The following COL22A1 variants were observed in gnomAD, a reference collection of about 807,000 sequenced individuals.
The protein encoded by COL22A1 is collagen alpha-1(XXII) chain.
Under a neutral mutation model 248.9 loss-of-function variants are expected in COL22A1, and 221 were observed. The ratio of observed to expected loss-of-function variants is 0.89; its 90% CI spans 0.80 to 0.99. COL22A1 has a LOEUF of 0.99. Ranked by LOEUF, COL22A1 falls within the 50% of genes least tolerant of loss-of-function variation. The pLI is 0.00. For synonymous variants in COL22A1, 891 were observed against 793.4 expected, an observed-to-expected ratio of 1.12 and a Z score of -2.07; for missense variants, 2,240 against 2,179.0, an observed-to-expected ratio of 1.03 and a Z score of -0.56.
At chr8:138,693,050 C>T (rs745703496) in intron 35 of COL22A1, among the ~76,000 whole-genome samples, 10 of 152,170 alleles carry the variant, frequency 6.6e-5, no homozygotes, top group Non-Finnish European at 1.5e-4. Flanking sequence ...TCCTGCCTTC[C>T]GCCAGCTCCA....
At chr8:138,892,668 C>A (rs1417134766) in intron 1 of COL22A1, among the ~76,000 whole-genome samples, 1 of 152,226 alleles carries the variant, frequency 6.6e-6, no homozygotes, top group Non-Finnish European at 1.5e-5. Context: ...ATTTAGTGAG[C>A]TGAGTTCCTT....
At chr8:138,720,108 G>A in intron 27 of COL22A1, among the ~76,000 whole-genome samples, 1 of 152,130 alleles carries the variant, frequency 6.6e-6, no homozygotes, top group Non-Finnish European at 1.5e-5. Flanking sequence ...CAGGGCACTT[G>A]AGGGCTCTCC....
At chr8:138,706,707 C>G (rs1237665972) in intron 30 of COL22A1, among the ~76,000 whole-genome samples, 1 of 152,096 alleles carries the variant, frequency 6.6e-6, no homozygotes, top group Admixed American at 6.6e-5. Flanking sequence ...AATTGACACC[C>G]TAACATCACA....
chr8:138,735,221 A>G (rs1831015885), intron 23 of COL22A1, among the ~76,000 whole-genome samples: 1 of 152,196 alleles, frequency 6.6e-6, no homozygotes, highest in Non-Finnish European at 1.5e-5. Context: ...CTGGCCTCTT[A>G]GCGTAAGAGT....
rs193061225 is a variant in COL22A1, at chr8:138,772,818, G to A, written c.1803+3148C>T. Reference sequence around the variant, plus strand: ...GTGGAGGTTGCAGTGAGCCGAGATCGCACCACTGACTCCAGCCTGGGCAAC... The same window carrying A: ...GTGGAGGTTGCAGTGAGCCGAGATCACACCACTGACTCCAGCCTGGGCAAC... On this transcript the variant is annotated intron_variant, in intron 16 of 64. Coordinates refer to ENST00000303045, the MANE Select transcript of COL22A1 (RefSeq NM_152888.3). 4.5e-3 allele frequency among the ~76,000 whole-genome samples: 691 copies of A among 152,210 alleles called. 1 individual carries two copies. Among genetic ancestry groups the A allele is most frequent in the Non-Finnish European group, 7.9e-3 (537 of 68,024 alleles).
chr8:138,762,612 C>CACAAAG, intron 16 of COL22A1, 146 bp from the exon 17 acceptor site: 5 of 346,708 alleles, frequency 1.4e-5, no homozygotes, highest in Non-Finnish European at 2.6e-5. Context: ...ACACACACAA[C>CACAAAG]AGCCCTAGAC....
intron 22 of COL22A1, among the ~76,000 whole-genome samples, chr8:138,751,235 C>G (rs538285366): frequency 1.3e-5 from 2 of 152,206 alleles, no homozygotes; most frequent in Non-Finnish European, 2.9e-5. Context: ...TGACTCCTGG[C>G]AGACAACAGA....
intron 12 of COL22A1, among the ~76,000 whole-genome samples, chr8:138,783,200 C>T (rs115316839): frequency 0.016 from 2,383 of 152,152 alleles, 27 homozygotes; most frequent in Middle Eastern, 0.027. Flanking sequence ...TACTTTGGGG[C>T]AAATTCCTTA....
chr8:138,897,323 G>A (rs1296171976), intron 1 of COL22A1, among the ~76,000 whole-genome samples: 1 of 152,024 alleles, frequency 6.6e-6, no homozygotes, highest in Non-Finnish European at 1.5e-5. Context: ...TGAGGCAGGC[G>A]ATTCACAAGG....
chr8:138,705,422 C>T (rs1439238723), intron 30 of COL22A1, among the ~76,000 whole-genome samples: 1 of 152,230 alleles, frequency 6.6e-6, no homozygotes, highest in Non-Finnish European at 1.5e-5. Flanking sequence ...ATCAGACTAA[C>T]AGCGGATCTC....
At position 138,596,643 on chromosome 8, in the gene COL22A1, T is replaced by C. The variant is rs146292556; in HGVS notation, c.4432+261A>G. On this transcript the variant is annotated intron_variant, in intron 62 of 64. Coordinates refer to ENST00000303045, the MANE Select transcript of COL22A1 (RefSeq NM_152888.3). ...AATGCACAGAATAAATGATTGATCATAGCAGAGCTCTTTTTGTAGATAGTG... is the reference window on the plus strand; with the variant it reads ...AATGCACAGAATAAATGATTGATCACAGCAGAGCTCTTTTTGTAGATAGTG... 5.5e-3 allele frequency among the ~76,000 whole-genome samples: 839 copies of C among 152,358 alleles called. 8 individuals are homozygous for C. The highest frequency in any genetic ancestry group is 0.019 in the African/African-American group (789 of 41,584).
At chr8:138,832,043 AC>A (rs921615374) in intron 5 of COL22A1, among the ~76,000 whole-genome samples, 7 of 151,958 alleles carry the variant, frequency 4.6e-5, no homozygotes, top group African/African-American at 1.7e-4. Context: ...ACCCACCAAA[AC>A]CAAAATGGCC....
At chr8:138,776,844 G>C (rs1318287451) in intron 15 of COL22A1, among the ~76,000 whole-genome samples, 1 of 152,226 alleles carries the variant, frequency 6.6e-6, no homozygotes, top group East Asian at 1.9e-4. Context: ...GACCCAGTGA[G>C]TGACTGTGTC....
intron 2 of COL22A1, among the ~76,000 whole-genome samples, chr8:138,881,386 C>T (rs562501015): frequency 1.7e-3 from 255 of 151,584 alleles, no homozygotes; most frequent in African/African-American, 5.8e-3. Context: ...GGAGAAAAGC[C>T]TTAGAATGTC....
intron 12 of COL22A1, 42 bp downstream of exon 12, chr8:138,796,777 T>C: frequency 7.1e-7 from 1 of 1,398,620 alleles, no homozygotes; most frequent in South Asian, 1.2e-5. Context: ...AAGTCCTCTG[T>C]CCCATTCCCT....
intron 39 of COL22A1, among the ~76,000 whole-genome samples, chr8:138,684,041 C>T (rs1295194416): frequency 2.6e-5 from 4 of 152,070 alleles, no homozygotes; most frequent in Non-Finnish European, 5.9e-5. Flanking sequence ...GCAGGTATTA[C>T]AAGACCAGGA....
intron 3 of COL22A1, among the ~76,000 whole-genome samples, chr8:138,872,476 T>C (rs536786937): frequency 1.4e-4 from 21 of 152,216 alleles, no homozygotes; most frequent in African/African-American, 5.1e-4. Context: ...GTCCTCAAAA[T>C]AGAAGTAGGT....
chr8:138,783,264 A>G (rs1390900735), intron 12 of COL22A1, among the ~76,000 whole-genome samples: 6 of 152,118 alleles, frequency 3.9e-5, no homozygotes, highest in African/African-American at 1.4e-4. Context: ...ACGGTGTATT[A>G]GGGTTTTCTA....
At chr8:138,672,841 A>G (rs1825151334) in intron 41 of COL22A1, among the ~76,000 whole-genome samples, 1 of 152,214 alleles carries the variant, frequency 6.6e-6, no homozygotes, top group Non-Finnish European at 1.5e-5. Context: ...AGGAAGGAGC[A>G]AGTCCTGGGT....
Sources: allele counts gnomAD v4.1 joint callset (sites outside exome capture counted in the v4.1 genomes callset), GRCh38; gene constraint gnomAD v4.1.1; transcripts MANE v1.5; gene names NCBI Gene and HGNC (gene_info 2026-07-23, HGNC 2026-07-21).